ASPRV1: variants seen among roughly 807,000 people sequenced by gnomAD.
The protein encoded by ASPRV1 is aspartic peptidase retroviral like 1.
In ASPRV1, 7 loss-of-function variants were observed where a neutral mutation model predicts 11.0. The observed-to-expected ratio is 0.64, with a 90% CI of 0.36 to 1.20. The LOEUF is 1.20. ASPRV1 is among the 50% of genes most tolerant of loss of function. The probability of loss-of-function intolerance (pLI) is 0.02; values close to 1 mark genes in which losing one functional copy is unlikely to be tolerated. For synonymous variants in ASPRV1, 136 were observed against 138.4 expected, an observed-to-expected ratio of 0.98 and a Z score of 0.12; for missense variants, 299 against 320.0, an observed-to-expected ratio of 0.93 and a Z score of 0.50.
chr2:70,011,323 T>C, the ASPRV1 span, among the ~76,000 whole-genome samples: 2 of 151,762 alleles, frequency 1.3e-5, no homozygotes, highest in East Asian at 1.9e-4. Context: ...CAACCAGAAC[T>C]GTAGAGTACA....
chr2:70,033,389 C>A, the ASPRV1 span, among the ~76,000 whole-genome samples: 1 of 151,852 alleles, frequency 6.6e-6, no homozygotes, highest in Non-Finnish European at 1.5e-5. Flanking sequence ...GGGGTTATTA[C>A]CACACTGCTT....
At chr2:70,076,988 T>C in the ASPRV1 span, among the ~76,000 whole-genome samples, 1 of 152,212 alleles carries the variant, frequency 6.6e-6, no homozygotes, top group Non-Finnish European at 1.5e-5. Context: ...TCCGTACAAA[T>C]GAGGCACAGT....
At chr2:70,063,215 G>A in the ASPRV1 span, among the ~76,000 whole-genome samples, 29 of 152,134 alleles carry the variant, frequency 1.9e-4, no homozygotes, top group Admixed American at 6.6e-5. Flanking sequence ...TACCCCTCAA[G>A]ACTCTCTACT....
chr2:70,074,939 C>G, the ASPRV1 span: 1 of 151,202 alleles, frequency 6.6e-6, no homozygotes, highest in African/African-American at 2.4e-5. Flanking sequence ...ATGGTGAAAC[C>G]CTGTCTCTAC....
chr2:69,935,568 T>C, the ASPRV1 span: 1 of 752,112 alleles, frequency 1.3e-6, no homozygotes, highest in Non-Finnish European at 2.3e-6. Context: ...TCCTCCAGTC[T>C]AGCTATTGGA....
chr2:70,006,387 G>A, the ASPRV1 span, among the ~76,000 whole-genome samples: 1 of 152,178 alleles, frequency 6.6e-6, no homozygotes, highest in Non-Finnish European at 1.5e-5. Flanking sequence ...AGGCAAAGGA[G>A]GCCAATTCTG....
chr2:70,032,786 C>A, the ASPRV1 span, among the ~76,000 whole-genome samples: 2 of 152,166 alleles, frequency 1.3e-5, no homozygotes, highest in African/African-American at 2.4e-5. Flanking sequence ...GCTGAGGAGG[C>A]TGCAGCTCTC....
At chr2:69,933,051 T>G in the ASPRV1 span, among the ~76,000 whole-genome samples, 1 of 151,760 alleles carries the variant, frequency 6.6e-6, no homozygotes, top group African/African-American at 2.4e-5. Flanking sequence ...ATACAAAAAT[T>G]AGCCGGACGT....
chr2:69,961,952 G>A (rs1203838704), upstream of ASPRV1: 11 of 400,802 alleles, frequency 2.7e-5, no homozygotes, highest in African/African-American at 1.8e-4. Flanking sequence ...GGGGAGGCAG[G>A]GACCAGACGC....
the ASPRV1 span, among the ~76,000 whole-genome samples, chr2:70,075,775 G>A: frequency 6.6e-6 from 1 of 152,128 alleles, no homozygotes. Context: ...CCTGAACCCG[G>A]GAGGCGGAGG....
chr2:69,994,705 T>G, the ASPRV1 span, among the ~76,000 whole-genome samples: 1 of 152,046 alleles, frequency 6.6e-6, no homozygotes, highest in Admixed American at 6.6e-5. Context: ...TTTAAAAAAA[T>G]AAACAGAATA....
downstream of ASPRV1, among the ~76,000 whole-genome samples, chr2:69,957,045 C>T (rs1452398478): frequency 6.6e-6 from 1 of 152,118 alleles, no homozygotes; most frequent in Non-Finnish European, 1.5e-5. Flanking sequence ...CAGTCCTGGA[C>T]TAGAAAATAA....
chr2:70,040,671 TA>T, the ASPRV1 span, among the ~76,000 whole-genome samples: 1 of 152,044 alleles, frequency 6.6e-6, no homozygotes, highest in South Asian at 2.1e-4. Flanking sequence ...TCGTCTTTAC[TA>T]AAAGTACAAA....
chr2:70,064,721 TTTTACTATTCAC>T, the ASPRV1 span, among the ~76,000 whole-genome samples: 1 of 152,136 alleles, frequency 6.6e-6, no homozygotes, highest in African/African-American at 2.4e-5. Flanking sequence ...AAGAAAGTTG[TTTTACTATTCAC>T]TTCACAAGTA....
At chr2:70,044,872 C>G in the ASPRV1 span, among the ~76,000 whole-genome samples, 203 of 152,314 alleles carry the variant, frequency 1.3e-3, 2 homozygotes, top group South Asian at 5.6e-3. Context: ...GGCCCCATCA[C>G]ACCTGACTTT....
chr2:70,077,201 TA>T, the ASPRV1 span: 1 of 152,192 alleles, frequency 6.6e-6, no homozygotes, highest in Admixed American at 6.5e-5. Context: ...CCATTACTAT[TA>T]TTTTTGTTAT....
At chr2:69,991,057 G>A in the ASPRV1 span, among the ~76,000 whole-genome samples, 1 of 152,136 alleles carries the variant, frequency 6.6e-6, no homozygotes, top group Non-Finnish European at 1.5e-5. Flanking sequence ...CTCATCTTTG[G>A]TGGCTTTTCA....
chr2:69,965,795 AC>A (rs1339817479), upstream of ASPRV1, among the ~76,000 whole-genome samples: 4 of 152,096 alleles, frequency 2.6e-5, no homozygotes, highest in Admixed American at 1.3e-4. Flanking sequence ...CCTTGACTGG[AC>A]CCCCATCTTG....
the ASPRV1 span, among the ~76,000 whole-genome samples, chr2:70,086,662 T>C: frequency 6.6e-6 from 1 of 152,190 alleles, no homozygotes; most frequent in African/African-American, 2.4e-5. Context: ...AGGCGTACAC[T>C]ATTGTTTCTA....
Sources: allele counts gnomAD v4.1 joint callset (sites outside exome capture counted in the v4.1 genomes callset), GRCh38; gene constraint gnomAD v4.1.1; transcripts MANE v1.5; gene names NCBI Gene and HGNC (gene_info 2026-07-23, HGNC 2026-07-21).